Variants in MARCHF6 observed in about 807,000 individuals in gnomAD.
MARCHF6 encodes the protein membrane associated ring-CH-type finger 6.
MARCHF6 carries 31 observed loss-of-function variants against 133.7 expected under a neutral mutation model. The ratio of observed to expected loss-of-function variants is 0.23; its 90% CI spans 0.17 to 0.31. The LOEUF is 0.31. Among genes scored for constraint, MARCHF6 ranks in the 10% least tolerant of loss-of-function variants. The pLI is 1.00. For synonymous variants in MARCHF6, 395 were observed against 402.5 expected, an observed-to-expected ratio of 0.98 and a Z score of 0.22; for missense variants, 723 against 1,121.6, an observed-to-expected ratio of 0.64 and a Z score of 5.08.
intron 25 of MARCHF6, among the ~76,000 whole-genome samples, chr5:10,431,486 C>T (rs1471971761): frequency 6.6e-6 from 1 of 152,146 alleles, no homozygotes; most frequent in African/African-American, 2.4e-5. Context: ...AGCCCAGTGT[C>T]CTCTTTCCTC....
intron 10 of MARCHF6, among the ~76,000 whole-genome samples, chr5:10,399,287 ATATGTTAGTAAAC>A (rs981744556): frequency 3.3e-5 from 5 of 152,122 alleles, no homozygotes; most frequent in African/African-American, 1.2e-4. Context: ...ATTACACACA[ATATGTTAGTAAAC>A]TAATACGTAT....
Position 10,434,317 on chromosome 5 carries a change from G to A in MARCHF6, c.*633G>A, listed in dbSNP as rs1579629538. On this transcript the variant is annotated 3_prime_UTR_variant, in exon 26 of 26. Coordinates refer to ENST00000274140, the MANE Select transcript of MARCHF6 (RefSeq NM_005885.4). ...ACTGCCTGATTTTTTTCATGTGTCT[G>A]TGTTTGTAATATTGTATAGTATCTT... The A allele has an allele frequency of 6.5e-6, 1 of 152,974 alleles. No individual in the cohort carries two copies. Among genetic ancestry groups the A allele is most frequent in the East Asian group, 1.9e-4 (1 of 5,182 alleles). 9.5% of individuals were successfully genotyped at this position (152,974 alleles called of 1,614,324 possible). A position where few individuals can be genotyped will look rare whatever the true frequency, so the allele number is the denominator to read the frequency against.
intron 3 of MARCHF6, 135 bp downstream of exon 3, chr5:10,378,967 T>C (rs1244227193): frequency 5.9e-6 from 3 of 507,620 alleles, no homozygotes; most frequent in Non-Finnish European, 1.0e-5. Flanking sequence ...TTCAGCTTGA[T>C]TTTTTTTGAT....
intron 1 of MARCHF6, among the ~76,000 whole-genome samples, chr5:10,355,581 G>A (rs1222404469): frequency 6.6e-6 from 1 of 152,142 alleles, no homozygotes; most frequent in Non-Finnish European, 1.5e-5. Flanking sequence ...ATCAGGATAA[G>A]GTATACATAA....
chr5:10,425,210 C>A (rs1190944395), intron 23 of MARCHF6, among the ~76,000 whole-genome samples: 1 of 152,150 alleles, frequency 6.6e-6, no homozygotes, highest in Non-Finnish European at 1.5e-5. Flanking sequence ...AGGGAGCCAG[C>A]AAATTGCAGT....
chr5:10,364,070 CTT>C (rs1735982225), intron 1 of MARCHF6, among the ~76,000 whole-genome samples: 1 of 152,152 alleles, frequency 6.6e-6, no homozygotes, highest in Non-Finnish European at 1.5e-5. Context: ...CAATTGAAGT[CTT>C]TAAATTGGTG....
chr5:10,413,934 C>T (rs1303965989), intron 19 of MARCHF6, among the ~76,000 whole-genome samples: 1 of 152,190 alleles, frequency 6.6e-6, no homozygotes, highest in Admixed American at 6.5e-5. Flanking sequence ...TGGCTATTTA[C>T]ATTTCAATTT....
chr5:10,387,228 A>C (rs1321950922), intron 5 of MARCHF6, among the ~76,000 whole-genome samples, 162 bp downstream of exon 5: 5 of 152,176 alleles, frequency 3.3e-5, no homozygotes, highest in African/African-American at 9.7e-5. Context: ...GTAGCTGATA[A>C]ATGTAAATGA....
rs1740522580 is a variant in MARCHF6, at chr5:10,434,587, G to C, written c.*903G>C. The C allele has an allele frequency of 6.7e-6, 1 of 149,040 alleles. No individual in the cohort carries two copies. The allele number at this position is 149,040 out of a possible 1,614,324, so 9.2% of individuals were successfully genotyped here. Reference sequence around the variant, plus strand: ...GTCCTGCAAGGTCATAAATCTTTCAGAGTGACATCACCAACTGTACTGCAT... The same window carrying C: ...GTCCTGCAAGGTCATAAATCTTTCACAGTGACATCACCAACTGTACTGCAT... On this transcript the variant is annotated 3_prime_UTR_variant, in exon 26 of 26. Coordinates refer to ENST00000274140, the MANE Select transcript of MARCHF6 (RefSeq NM_005885.4).
At chr5:10,359,764 G>A (rs894301974) in intron 1 of MARCHF6, among the ~76,000 whole-genome samples, 1 of 152,118 alleles carries the variant, frequency 6.6e-6, no homozygotes, top group Non-Finnish European at 1.5e-5. Context: ...CAGCACTTTC[G>A]GAGGCGGTGG....
rs1408907499 is a variant in MARCHF6 at position 10,377,717 on chromosome 5, A to G, written c.20-81A>G. On this transcript the variant is annotated intron_variant, in intron 1 of 25. Coordinates refer to ENST00000274140, the MANE Select transcript of MARCHF6 (RefSeq NM_005885.4). ...TGATAGATTCTTGCTTTAATGTCCAATATTTTGGTTTATGCTTGTTTCTTG... is the reference window on the plus strand; with the variant it reads ...TGATAGATTCTTGCTTTAATGTCCAGTATTTTGGTTTATGCTTGTTTCTTG... 4.8e-6 allele frequency: 4 copies of G among 831,974 alleles called. No homozygotes were observed. The Admixed American group carries it at 5.6e-5, about 12-fold the overall frequency. The allele number at this position is 831,974 out of a possible 1,614,324, so 51.5% of individuals were successfully genotyped here.
chr5:10,389,751 T>C (rs191142675), intron 5 of MARCHF6, among the ~76,000 whole-genome samples: 1 of 152,334 alleles, frequency 6.6e-6, no homozygotes, highest in Admixed American at 6.5e-5. Flanking sequence ...GTCTTACATA[T>C]GGCATACTGA....
intron 25 of MARCHF6, among the ~76,000 whole-genome samples, chr5:10,431,949 T>G (rs1740393396): frequency 6.6e-6 from 1 of 152,178 alleles, no homozygotes. Flanking sequence ...CTCAAAGTTT[T>G]AAAATCAGTG....
chr5:10,354,205 C>T (rs1735298549), intron 1 of MARCHF6, among the ~76,000 whole-genome samples: 1 of 152,122 alleles, frequency 6.6e-6, no homozygotes, highest in African/African-American at 2.4e-5. Context: ...TCCCTTGTCC[C>T]CGCCGTCGCG....
intron 10 of MARCHF6, among the ~76,000 whole-genome samples, chr5:10,399,985 C>CAGATCTAAAAACCTAAT (rs1738427534): frequency 6.6e-6 from 1 of 152,070 alleles, no homozygotes; most frequent in African/African-American, 2.4e-5. Context: ...GATCTAAGGG[C>CAGATCTAAAAACCTAAT]CTTATTAGAT....
chr5:10,421,751 C>T (rs879659648), intron 22 of MARCHF6, among the ~76,000 whole-genome samples: 4 of 152,178 alleles, frequency 2.6e-5, no homozygotes, highest in Non-Finnish European at 4.4e-5. Context: ...TTGCATCTTC[C>T]CTGCCTGTGA....
chr5:10,410,263 G>T lies in MARCHF6; in HGVS notation c.1678G>T (p.Ala560Ser), dbSNP rs757462388. 2 of 1,612,646 alleles carry T rather than the reference G, an allele frequency of 1.2e-6. No individual in the cohort carries two copies. The highest frequency in any genetic ancestry group is 8.5e-7 in the Non-Finnish European group (1 of 1,179,854). ...KGLVRAWTVT[A>S]GYLLDLHSYL... Reference sequence around the variant, plus strand: ...GCTGGTGCGAGCGTGGACTGTGACCGCCGGATACTTGCTGTGAGTATGGGC... The same window carrying T: ...GCTGGTGCGAGCGTGGACTGTGACCTCCGGATACTTGCTGTGAGTATGGGC... Residue 560 changes from alanine (A) to serine (S), a missense_variant, in exon 18 of 26, where the codon GCC (alanine) becomes TCC (serine). Physicochemically the swap from Ala to Ser is moderately conservative, Grantham distance 99 (BLOSUM62 1). Coordinates refer to ENST00000274140, the MANE Select transcript of MARCHF6 (RefSeq NM_005885.4).
intron 1 of MARCHF6, among the ~76,000 whole-genome samples, chr5:10,369,602 T>TCCC (rs1379100893): frequency 2.3e-4 from 3 of 13,110 alleles, no homozygotes; most frequent in Admixed American, 8.3e-4. Context: ...ATAGTTCCAT[T>TCCC]ACCCCCCCCC....
intron 11 of MARCHF6, chr5:10,401,605 T>C (rs904134277): frequency 1.8e-5 from 3 of 168,152 alleles, no homozygotes; most frequent in African/African-American, 7.1e-5. Context: ...AAGTTGAGAA[T>C]GGGACAGATT....
Sources: allele counts gnomAD v4.1 joint callset (sites outside exome capture counted in the v4.1 genomes callset), GRCh38; gene constraint gnomAD v4.1.1; transcripts MANE v1.5; gene names NCBI Gene and HGNC (gene_info 2026-07-23, HGNC 2026-07-21).